MUC7: variants seen among roughly 807,000 people sequenced by gnomAD.
The protein encoded by MUC7 is mucin 7, secreted, also known as mucin-7.
In MUC7, 2 loss-of-function variants were observed where a neutral mutation model predicts 2.5. The observed-to-expected ratio is 0.81, with a 90% CI of 0.33 to 2.55. The LOEUF is 2.55. Ranked by LOEUF, MUC7 falls within the 30% of genes most tolerant of loss-of-function variation. MUC7 has a pLI of 0.11. For synonymous variants in MUC7, 133 were observed against 173.4 expected, an observed-to-expected ratio of 0.77 and a Z score of 1.83; for missense variants, 408 against 455.6, an observed-to-expected ratio of 0.90 and a Z score of 0.95.
chr4:70,466,683 G>T (rs1230547337), intron 1 of MUC7, among the ~76,000 whole-genome samples: 2 of 152,070 alleles, frequency 1.3e-5, no homozygotes, highest in East Asian at 1.9e-4. Flanking sequence ...AATGGTAAAG[G>T]GATCAATGCA....
At chr4:70,442,525 G>T (rs1368895536) in intron 1 of MUC7, among the ~76,000 whole-genome samples, 1 of 152,134 alleles carries the variant, frequency 6.6e-6, no homozygotes, top group Non-Finnish European at 1.5e-5. Flanking sequence ...CTCCAGCCTA[G>T]GGGTACATAT....
chr4:70,480,942 G>T lies in MUC7; in HGVS notation c.198G>T (p.Leu66=). The change falls in exon 3 of 3, where the codon CTG becomes CTT. Residue 66 remains leucine, a synonymous_variant. Transcript: ENST00000304887. ...TCATTAGAAAGTCCTATAAATGTCT[G>T]CACAAACGCTGTAGGCCTAAGCTTC... ...KPFIRKSYKC[L]HKRCRPKLPP... 6.2e-7 allele frequency: 1 copy of T among 1,614,062 alleles called. No homozygotes were observed. Among genetic ancestry groups the T allele is most frequent in the Non-Finnish European group, 8.5e-7 (1 of 1,180,000 alleles).
At chr4:70,447,168 A>G (rs1734165915) in intron 1 of MUC7, among the ~76,000 whole-genome samples, 1 of 152,198 alleles carries the variant, frequency 6.6e-6, no homozygotes, top group African/African-American at 2.4e-5. Context: ...TCCTGAGTTC[A>G]TATCCTGATT....
intron 1 of MUC7, among the ~76,000 whole-genome samples, chr4:70,456,852 T>C (rs1734428559): frequency 6.6e-6 from 1 of 152,196 alleles, no homozygotes; most frequent in African/African-American, 2.4e-5. Flanking sequence ...TTTATTATAT[T>C]ATGCAGTTGG....
chr4:70,441,255 A>G (rs1733998033), intron 1 of MUC7, among the ~76,000 whole-genome samples: 1 of 152,156 alleles, frequency 6.6e-6, no homozygotes, highest in Admixed American at 6.6e-5. Context: ...TAAGAACTTT[A>G]TTATTATATA....
At chr4:70,440,232 C>T (rs1458838773) in intron 1 of MUC7, among the ~76,000 whole-genome samples, 2 of 152,038 alleles carry the variant, frequency 1.3e-5, no homozygotes, top group Non-Finnish European at 2.9e-5. Flanking sequence ...TTTAAAAGTT[C>T]CTGGAGTCAA....
At chr4:70,476,162 T>A (rs994027661) in intron 2 of MUC7, among the ~76,000 whole-genome samples, 1 of 152,180 alleles carries the variant, frequency 6.6e-6, no homozygotes, top group Non-Finnish European at 1.5e-5. Context: ...AGTGTAGATA[T>A]AAAAATTATG....
chr4:70,439,024 G>A (rs952747863), intron 1 of MUC7, among the ~76,000 whole-genome samples: 1 of 152,130 alleles, frequency 6.6e-6, no homozygotes, highest in African/African-American at 2.4e-5. Context: ...CATAAAGAAG[G>A]GAGGCAAATC....
chr4:70,472,964 G>A (rs1315230411), intron 1 of MUC7, among the ~76,000 whole-genome samples: 2 of 152,132 alleles, frequency 1.3e-5, no homozygotes, highest in South Asian at 2.1e-4. Flanking sequence ...TAACCAAAAT[G>A]AGAAAAACAA....
At chr4:70,447,123 A>C (rs1188150093) in intron 1 of MUC7, among the ~76,000 whole-genome samples, 1 of 152,168 alleles carries the variant, frequency 6.6e-6, no homozygotes, top group Non-Finnish European at 1.5e-5. Context: ...CAAACAAACC[A>C]TTTGAGAGGA....
chr4:70,434,498 T>C (rs1313188378), intron 1 of MUC7, among the ~76,000 whole-genome samples: 1 of 152,228 alleles, frequency 6.6e-6, no homozygotes, highest in Admixed American at 6.5e-5. Context: ...TTTTCTAGTT[T>C]ATTTGCATAG....
chr4:70,447,594 A>G (rs1734177077), intron 1 of MUC7, among the ~76,000 whole-genome samples: 1 of 152,124 alleles, frequency 6.6e-6, no homozygotes, highest in Non-Finnish European at 1.5e-5. Flanking sequence ...CATGTCAGAC[A>G]CTATTTTAAA....
intron 1 of MUC7, among the ~76,000 whole-genome samples, chr4:70,447,823 T>C (rs986257491): frequency 1.3e-5 from 2 of 152,190 alleles, no homozygotes; most frequent in African/African-American, 4.8e-5. Context: ...TTTTTAAATG[T>C]ACAATTAAAT....
rs368135009 is a variant in MUC7 at position 70,474,412 on chromosome 4, C to T, written c.54+337C>T. On this transcript the variant is annotated intron_variant, in intron 2 of 2. Transcript: ENST00000304887. ...GTGCGTGCCTGTAATCCCAACTACT[C>T]GGAGGCTGAGGTTGGGATCTTAAGC... Among the ~76,000 whole-genome samples the T allele has an allele frequency of 2.2e-4, 34 of 152,030 alleles. No homozygotes were observed. The South Asian group carries it at 3.9e-3, about 18-fold the overall frequency.
rs1271296346 is a variant in MUC7, at chr4:70,482,621, C to T, written c.*743C>T. The T allele has an allele frequency of 1.3e-5, 2 of 152,208 alleles. No individual in the cohort carries two copies. Among genetic ancestry groups the T allele is most frequent in the African/African-American group, 4.8e-5 (2 of 41,450 alleles). The allele number at this position is 152,208 out of a possible 1,614,324, so 9.4% of individuals were successfully genotyped here. A position where few individuals can be genotyped will look rare whatever the true frequency, so the allele number is the denominator to read the frequency against. On this transcript the variant is annotated 3_prime_UTR_variant, in exon 3 of 3. Transcript: ENST00000304887. ...TAATTTCGATCTAATGTACCTGATT[C>T]TAGCCTCTGTGAACAACAAGAATAT... is the stretch of plus-strand genomic sequence containing the variant.
intron 1 of MUC7, among the ~76,000 whole-genome samples, chr4:70,458,248 AAG>A (rs1330912938): frequency 3.3e-5 from 5 of 152,078 alleles, no homozygotes; most frequent in Admixed American, 1.3e-4. Context: ...CTAAAAAAAA[AAG>A]ATTGATAAAA....
At chr4:70,480,208 A>C (rs1228000477) in intron 2 of MUC7, among the ~76,000 whole-genome samples, 1 of 152,220 alleles carries the variant, frequency 6.6e-6, no homozygotes, top group Admixed American at 6.5e-5. Context: ...TTTTTAAACA[A>C]TAAAGTTAAA....
chr4:70,463,556 G>T (rs1290885570), intron 1 of MUC7, among the ~76,000 whole-genome samples: 1 of 152,208 alleles, frequency 6.6e-6, no homozygotes, highest in East Asian at 1.9e-4. Context: ...CAGAAGAGCA[G>T]AACTCAGTTG....
chr4:70,481,746 T>C lies in MUC7; in HGVS notation c.1002T>C (p.Thr334=). The change falls in exon 3 of 3, where the codon ACT becomes ACC. Residue 334 remains threonine, a synonymous_variant. Transcript: ENST00000304887. ...ETSAAPTHQT[T]TSVTTQTTTT... ...CAGCTGCACCCACACACCAGACTACTACTTCGGTCACTACTCAAACTACTA... is the reference window on the plus strand; with the variant it reads ...CAGCTGCACCCACACACCAGACTACCACTTCGGTCACTACTCAAACTACTA... The C allele has an allele frequency of 6.2e-7, 1 of 1,614,228 alleles. No homozygotes were observed. The highest frequency in any genetic ancestry group is 8.5e-7 in the Non-Finnish European group (1 of 1,180,038).
Sources: allele counts gnomAD v4.1 joint callset (sites outside exome capture counted in the v4.1 genomes callset), GRCh38; gene constraint gnomAD v4.1.1; transcripts MANE v1.5; gene names NCBI Gene and HGNC (gene_info 2026-07-23, HGNC 2026-07-21).